The following TTC39B variants were observed in gnomAD, a reference collection of about 807,000 sequenced individuals.
TTC39B encodes the protein tetratricopeptide repeat protein 39B.
TTC39B carries 92 observed loss-of-function variants against 96.6 expected under a neutral mutation model. The ratio of observed to expected loss-of-function variants is 0.95; its 90% confidence interval spans 0.80 to 1.13. The LOEUF (loss-of-function observed/expected upper bound fraction) is 1.13. TTC39B is among the 50% of genes most tolerant of loss of function. TTC39B has a pLI of 0.00. For synonymous variants in TTC39B, 367 were observed against 299.4 expected (o/e 1.23, Z -2.33); for missense variants, 955 against 809.3 (o/e 1.18, Z -2.18).
intron 17 of TTC39B, 29 bp downstream of exon 17, chr9:15,182,278 G>A: frequency 7.0e-7 from 1 of 1,436,802 alleles, no homozygotes; most frequent in African/African-American, 1.4e-5. Flanking sequence ...AGAGACAAAG[G>A]CTCCTCGGTG....
At chr9:15,165,300 T>C (rs1817497681) in exon 20 of TTC39B, 1 of 151,798 alleles carries the variant, frequency 6.6e-6, no homozygotes, top group Admixed American at 6.6e-5. Context: ...TAAGCCAAGA[T>C]CGTGCCATTA....
intron 4 of TTC39B, 132 bp from the exon 5 acceptor site, chr9:15,211,529 G>A: frequency 2.5e-6 from 2 of 805,218 alleles, no homozygotes; most frequent in Non-Finnish European, 3.4e-6. Flanking sequence ...AATTATATGG[G>A]TGGTGAAAAG....
intron 1 of TTC39B, among the ~76,000 whole-genome samples, chr9:15,268,817 CAAT>C (rs1823231764): frequency 6.6e-6 from 1 of 152,186 alleles, no homozygotes; most frequent in African/African-American, 2.4e-5. Context: ...CACATGACAA[CAAT>C]ATCATTCTTT....
intron 2 of TTC39B, among the ~76,000 whole-genome samples, chr9:15,255,661 A>G (rs1330278509): frequency 6.6e-6 from 1 of 152,228 alleles, no homozygotes; most frequent in Non-Finnish European, 1.5e-5. Flanking sequence ...GTATCCTTTA[A>G]GATTCTGACA....
chr9:15,216,867 C>T (rs993503495), intron 3 of TTC39B, among the ~76,000 whole-genome samples: 1 of 152,178 alleles, frequency 6.6e-6, no homozygotes, highest in Non-Finnish European at 1.5e-5. Context: ...CAGATTTGCA[C>T]AAGTAGACCA....
intron 1 of TTC39B, among the ~76,000 whole-genome samples, chr9:15,285,131 G>A (rs1000994884): frequency 3.3e-5 from 5 of 152,204 alleles, no homozygotes; most frequent in East Asian, 3.9e-4. Flanking sequence ...CGGGCGTGGT[G>A]GCGGGCGCCT....
chr9:15,177,870 T>C, intron 17 of TTC39B, 56 bp from the exon 18 acceptor site: 1 of 188,930 alleles, frequency 5.3e-6, no homozygotes, highest in Non-Finnish European at 8.8e-6. Flanking sequence ...TTTTAAGATC[T>C]TTTTTTTTTT....
At chr9:15,212,515 T>C (rs927559865) in intron 4 of TTC39B, among the ~76,000 whole-genome samples, 4 of 152,164 alleles carry the variant, frequency 2.6e-5, no homozygotes, top group African/African-American at 4.8e-5. Flanking sequence ...AACCTCCGCC[T>C]CCCGGGTTCA....
chr9:15,168,426 A>AAAAAC (rs1817567028), exon 20 of TTC39B: 1 of 151,878 alleles, frequency 6.6e-6, no homozygotes, highest in South Asian at 2.1e-4. Flanking sequence ...ATACAAAAAA[A>AAAAAC]AAAAACAGAA....
chr9:15,303,038 C>T (rs941737821), intron 1 of TTC39B, among the ~76,000 whole-genome samples: 2 of 150,546 alleles, frequency 1.3e-5, no homozygotes, highest in African/African-American at 2.4e-5. Context: ...CGTGGTGGCA[C>T]GCACATGTAG....
At chr9:15,198,317 C>T (rs1259020708) in intron 8 of TTC39B, among the ~76,000 whole-genome samples, 1 of 151,674 alleles carries the variant, frequency 6.6e-6, no homozygotes, top group Non-Finnish European at 1.5e-5. Context: ...ATTAGCTGGC[C>T]GTGGTGGTAT....
chr9:15,291,239 C>T (rs562185892), intron 1 of TTC39B, among the ~76,000 whole-genome samples: 4 of 152,270 alleles, frequency 2.6e-5, no homozygotes, highest in African/African-American at 7.2e-5. Flanking sequence ...AACTCCCATG[C>T]GCTGTGGGAG....
intron 8 of TTC39B, among the ~76,000 whole-genome samples, chr9:15,197,729 G>A (rs903799089): frequency 2.0e-5 from 3 of 151,934 alleles, no homozygotes; most frequent in Non-Finnish European, 4.4e-5. Flanking sequence ...ATACAAACTA[G>A]TCAATCTTCA....
chr9:15,236,031 T>A (rs1023000596), intron 2 of TTC39B, among the ~76,000 whole-genome samples: 16 of 151,952 alleles, frequency 1.1e-4, no homozygotes, highest in East Asian at 3.9e-4. Context: ...ACTAGTTTTT[T>A]AAAAAAAATA....
chr9:15,277,610 G>C (rs1823594896), intron 1 of TTC39B, among the ~76,000 whole-genome samples: 1 of 152,126 alleles, frequency 6.6e-6, no homozygotes, highest in African/African-American at 2.4e-5. Context: ...GACACAGTGA[G>C]ACCTTGGCCA....
At chr9:15,277,809 G>A (rs1823603058) in intron 1 of TTC39B, among the ~76,000 whole-genome samples, 1 of 152,216 alleles carries the variant, frequency 6.6e-6, no homozygotes, top group Non-Finnish European at 1.5e-5. Context: ...CTTCAGAGAA[G>A]GGCTGCGTCC....
At chr9:15,173,993 G>A (rs1279342285) in intron 19 of TTC39B, among the ~76,000 whole-genome samples, 1 of 152,106 alleles carries the variant, frequency 6.6e-6, no homozygotes, top group Non-Finnish European at 1.5e-5. Context: ...CTTCTGTCAG[G>A]AATGCTCCCT....
At position 15,191,269 on chromosome 9, in the gene TTC39B, A is replaced by T. The variant is rs1458294706; in HGVS notation, c.931-14T>A. ...AAGGGACAGCATCTGTAAGAAAAAA[A>T]TATACAGTGTACTTATGTGTTAGTG... On this transcript the variant is annotated splice_polypyrimidine_tract_variant and intron_variant, in intron 9 of 19. Transcript: ENST00000512701. 27 of 1,584,054 alleles carry T rather than the reference A, an allele frequency of 1.7e-5. No individual in the cohort carries two copies. The highest frequency in any genetic ancestry group is 2.3e-5 in the Non-Finnish European group (27 of 1,156,114).
At chr9:15,238,976 C>A (rs1342474396) in intron 2 of TTC39B, among the ~76,000 whole-genome samples, 3 of 152,130 alleles carry the variant, frequency 2.0e-5, no homozygotes, top group Admixed American at 1.3e-4. Flanking sequence ...CAGAGTGAGA[C>A]CCTGTCTCAA....
Sources: allele counts gnomAD v4.1 joint callset (sites outside exome capture counted in the v4.1 genomes callset), GRCh38; gene constraint gnomAD v4.1.1; transcripts MANE v1.5; gene names NCBI Gene and HGNC (gene_info 2026-07-23, HGNC 2026-07-21).